ITGA8: variants seen among roughly 807,000 people sequenced by gnomAD.
ITGA8 encodes the protein integrin alpha-8.
A neutral mutation model predicts 142.3 loss-of-function variants in ITGA8; 91 were observed. That is an observed-to-expected ratio of 0.64 (90% CI 0.54 to 0.76). ITGA8 has a LOEUF of 0.76. Among genes scored for constraint, ITGA8 ranks in the 30% least tolerant of loss-of-function variants. ITGA8 has a pLI of 0.00. For missense variants in ITGA8, 1,406 were observed against 1,327.7 expected, an observed-to-expected ratio of 1.06 and a Z score of -0.92; for synonymous variants, 505 against 485.2, an observed-to-expected ratio of 1.04 and a Z score of -0.54.
intron 21 of ITGA8, among the ~76,000 whole-genome samples, chr10:15,594,048 G>A (rs887497631): frequency 2.6e-5 from 4 of 151,986 alleles, no homozygotes; most frequent in South Asian, 4.2e-4. Context: ...CATCTTGTTG[G>A]CCAGGCTGGT....
At chr10:15,698,067 CCT>C (rs1381631543) in intron 2 of ITGA8, among the ~76,000 whole-genome samples, 4 of 152,142 alleles carry the variant, frequency 2.6e-5, no homozygotes, top group African/African-American at 9.7e-5. Flanking sequence ...CCTTTCCCAC[CCT>C]TTCTCCCAGG....
intron 8 of ITGA8, among the ~76,000 whole-genome samples, chr10:15,670,076 C>T (rs1307187312): frequency 4.6e-5 from 7 of 152,212 alleles, no homozygotes; most frequent in African/African-American, 1.7e-4. Flanking sequence ...TCTTCTGCGT[C>T]GCTCATGCTG....
intron 26 of ITGA8, among the ~76,000 whole-genome samples, chr10:15,549,782 C>G (rs1025586284): frequency 7.2e-5 from 11 of 152,144 alleles, no homozygotes; most frequent in African/African-American, 2.7e-4. Context: ...ACAGAATAAT[C>G]CAAGGAACAT....
intron 23 of ITGA8, among the ~76,000 whole-genome samples, chr10:15,580,069 CAA>C (rs1324419623): frequency 4.3e-5 from 5 of 115,502 alleles, no homozygotes; most frequent in Admixed American, 1.8e-4. Context: ...ATTAATAAAA[CAA>C]AAAGCAGATT....
intron 25 of ITGA8, among the ~76,000 whole-genome samples, chr10:15,570,405 C>T (rs944203453): frequency 2.6e-5 from 4 of 151,704 alleles, no homozygotes; most frequent in South Asian, 2.1e-4. Flanking sequence ...GTCAGGAGTT[C>T]GAGACCAGCC....
intron 17 of ITGA8, 105 bp from the exon 18 acceptor site, chr10:15,606,527 G>T: frequency 9.0e-7 from 1 of 1,108,364 alleles, no homozygotes; most frequent in Non-Finnish European, 1.3e-6. Flanking sequence ...GAAAGTGAAT[G>T]ATGAAACAAT....
intron 10 of ITGA8, among the ~76,000 whole-genome samples, chr10:15,657,204 C>A (rs972448198): frequency 6.6e-6 from 1 of 152,102 alleles, no homozygotes; most frequent in Non-Finnish European, 1.5e-5. Context: ...CTAAATTTAG[C>A]AATGTTTAAA....
At chr10:15,718,724 C>A (rs748176227) in intron 2 of ITGA8, 42 bp downstream of exon 2, 2 of 1,607,302 alleles carry the variant, frequency 1.2e-6, no homozygotes, top group South Asian at 2.2e-5. Flanking sequence ...CCTGGTTCTT[C>A]CAAACCCAGG....
At chr10:15,654,099 G>C (rs1038777747) in intron 11 of ITGA8, among the ~76,000 whole-genome samples, 1 of 152,166 alleles carries the variant, frequency 6.6e-6, no homozygotes, top group Non-Finnish European at 1.5e-5. Flanking sequence ...GCCTCCCAAA[G>C]TGCTGGGATT....
Position 15,655,403 on chromosome 10 carries a change from C to A in ITGA8, c.952G>T (p.Ala318Ser), listed in dbSNP as rs1834165765. The A allele has an allele frequency of 6.2e-7, 1 of 1,609,128 alleles. No homozygotes were observed. The highest frequency in any genetic ancestry group is 1.1e-5 in the South Asian group (1 of 90,676). ...ACAACGGTATATCCAAAATAAGATGCCATCTGCAAAGGAAAATCAGGAGAT... is the reference window on the plus strand; with the variant it reads ...ACAACGGTATATCCAAAATAAGATGACATCTGCAAAGGAAAATCAGGAGAT... ...FIQNFTGEQM[A>S]SYFGYTVVVS... The change falls in exon 11 of 30, where the codon GCA becomes TCA. Residue 318 changes from alanine to serine, a missense_variant. By Grantham distance (99) the Ala-to-Ser change is moderately conservative. Coordinates refer to ENST00000378076, the MANE Select transcript of ITGA8 (RefSeq NM_003638.3).
At chr10:15,699,473 G>C (rs932331556) in intron 2 of ITGA8, among the ~76,000 whole-genome samples, 3 of 152,146 alleles carry the variant, frequency 2.0e-5, no homozygotes, top group Admixed American at 6.5e-5. Context: ...ATGATAGATA[G>C]ATACATACAT....
intron 8 of ITGA8, among the ~76,000 whole-genome samples, chr10:15,661,725 G>A (rs990966033): frequency 5.3e-5 from 8 of 152,244 alleles, no homozygotes; most frequent in Admixed American, 2.6e-4. Flanking sequence ...GAATGGGTGC[G>A]AAGCAGAGAG....
intron 8 of ITGA8, among the ~76,000 whole-genome samples, chr10:15,665,783 C>T (rs1588708764): frequency 6.6e-6 from 1 of 152,140 alleles, no homozygotes; most frequent in South Asian, 2.1e-4. Context: ...AATCCTTTCC[C>T]CATTGCTTGT....
At chr10:15,682,910 G>A (rs1834764682) in intron 4 of ITGA8, among the ~76,000 whole-genome samples, 1 of 148,236 alleles carries the variant, frequency 6.7e-6, no homozygotes, top group Admixed American at 6.8e-5. Flanking sequence ...CTAAATCTCA[G>A]CAGCCTCTTT....
intron 8 of ITGA8, among the ~76,000 whole-genome samples, chr10:15,665,151 A>G (rs1834363444): frequency 6.6e-6 from 1 of 152,112 alleles, no homozygotes; most frequent in Admixed American, 6.6e-5. Flanking sequence ...AAGTGTTCCT[A>G]TTTCTCCACA....
intron 27 of ITGA8, among the ~76,000 whole-genome samples, chr10:15,538,735 G>A (rs1334083473): frequency 6.6e-6 from 1 of 151,944 alleles, no homozygotes; most frequent in Non-Finnish European, 1.5e-5. Flanking sequence ...CTAAAGAAGT[G>A]CTTTTAATTT....
chr10:15,596,426 C>T (rs369032840), intron 21 of ITGA8: 14 of 152,150 alleles, frequency 9.2e-5, no homozygotes, highest in African/African-American at 2.9e-4. Context: ...AATAAAATAA[C>T]GTAAAAAACT....
At chr10:15,657,487 C>G (rs1834205137) in intron 10 of ITGA8, among the ~76,000 whole-genome samples, 2 of 135,632 alleles carry the variant, frequency 1.5e-5, no homozygotes, top group Non-Finnish European at 3.2e-5. Context: ...TTAAAACCTG[C>G]TGGTTTCTTT....
intron 2 of ITGA8, among the ~76,000 whole-genome samples, chr10:15,716,862 A>G (rs185239490): frequency 2.4e-4 from 37 of 152,194 alleles, no homozygotes; most frequent in Non-Finnish European, 1.5e-4. Context: ...GGGTTTCACC[A>G]TGTTGGTCAG....
Sources: allele counts gnomAD v4.1 joint callset (sites outside exome capture counted in the v4.1 genomes callset), GRCh38; gene constraint gnomAD v4.1.1; transcripts MANE v1.5; gene names NCBI Gene and HGNC (gene_info 2026-07-23, HGNC 2026-07-21).